Variants in DENND1B observed in about 807,000 individuals in gnomAD.
The protein encoded by DENND1B is DENN domain containing 1B.
In DENND1B, 59 loss-of-function variants were observed where a neutral mutation model predicts 90.1. The ratio of observed to expected loss-of-function variants is 0.65; its 90% CI spans 0.53 to 0.81. DENND1B has a LOEUF of 0.81. Ranked by LOEUF, DENND1B falls within the 40% of genes least tolerant of loss-of-function variation. DENND1B has a pLI of 0.00. For synonymous variants in DENND1B, 337 were observed against 324.6 expected, an observed-to-expected ratio of 1.04 and a Z score of -0.41; for missense variants, 862 against 912.6, an observed-to-expected ratio of 0.94 and a Z score of 0.71.
At chr1:197,541,583 C>T (rs79805667) in intron 18 of DENND1B, among the ~76,000 whole-genome samples, 2,877 of 152,268 alleles carry the variant, frequency 0.019, 90 homozygotes, top group African/African-American at 0.064. Flanking sequence ...ATTTGAGTTT[C>T]TCACATCCTG....
At chr1:197,633,809 T>C (rs1247593927) in intron 10 of DENND1B, among the ~76,000 whole-genome samples, 1 of 152,156 alleles carries the variant, frequency 6.6e-6, no homozygotes, top group African/African-American at 2.4e-5. Flanking sequence ...CAGTACCAAG[T>C]GGCCAGCAGC....
chr1:197,510,365 A>T lies in DENND1B; in HGVS notation c.*95T>A. 2.9e-6 allele frequency: 4 copies of T among 1,377,822 alleles called. No individual in the cohort carries two copies. Among genetic ancestry groups the T allele is most frequent in the Non-Finnish European group, 3.9e-6 (4 of 1,038,668 alleles). 85.3% of individuals were successfully genotyped at this position (1,377,822 alleles called of 1,614,324 possible). On this transcript the variant is annotated 3_prime_UTR_variant, in exon 23 of 23. Coordinates refer to ENST00000620048, the MANE Select transcript of DENND1B (RefSeq NM_001195215.2). Reference sequence around the variant, plus strand: ...ATGTTGCAAATGCAAAAAAAAATTTAAATAGTATGAGTTGCCATTCCTACA... The same window carrying T: ...ATGTTGCAAATGCAAAAAAAAATTTTAATAGTATGAGTTGCCATTCCTACA...
At chr1:197,541,478 G>T (rs1301286856) in intron 18 of DENND1B, among the ~76,000 whole-genome samples, 1 of 152,168 alleles carries the variant, frequency 6.6e-6, no homozygotes, top group African/African-American at 2.4e-5. Context: ...CATCTTAATG[G>T]AATGGTATTT....
At chr1:197,562,071 C>T (rs941307162) in intron 15 of DENND1B, among the ~76,000 whole-genome samples, 5 of 151,900 alleles carry the variant, frequency 3.3e-5, no homozygotes, top group Admixed American at 3.3e-4. Context: ...ATCCTACCCT[C>T]ACCTCTGGTA....
At chr1:197,732,960 G>A (rs1290612339) in intron 2 of DENND1B, among the ~76,000 whole-genome samples, 1 of 152,108 alleles carries the variant, frequency 6.6e-6, no homozygotes, top group African/African-American at 2.4e-5. Context: ...GTATCAAAAT[G>A]CCAAATACCA....
At chr1:197,570,221 C>A in intron 15 of DENND1B, among the ~76,000 whole-genome samples, 2 of 141,872 alleles carry the variant, frequency 1.4e-5, no homozygotes. Flanking sequence ...AGCAAGATCC[C>A]ATATCTCCAA....
intron 2 of DENND1B, among the ~76,000 whole-genome samples, chr1:197,756,144 A>G (rs769099464): frequency 6.6e-6 from 1 of 152,234 alleles, no homozygotes; most frequent in Non-Finnish European, 1.5e-5. Context: ...ATAGTCTAGG[A>G]AGGAAGAATT....
chr1:197,647,096 C>A lies in DENND1B; in HGVS notation c.466G>T (p.Ala156Ser). Residue 156 changes from alanine to serine, a missense_variant, in exon 8 of 23, where the codon GCC (alanine) becomes TCC (serine). Physicochemically the swap from Ala to Ser is moderately conservative, Grantham distance 99. Transcript: ENST00000620048. ...NLSVNQEIFI[A>S]CEQVLKDQPA... ...TGATCTTTCAGAACTTGCTCACAGGCAATAAATATCTCTTGGTTCTTATAA... is the reference window on the plus strand; with the variant it reads ...TGATCTTTCAGAACTTGCTCACAGGAAATAAATATCTCTTGGTTCTTATAA... 4 of 1,461,740 alleles carry A rather than the reference C, an allele frequency of 2.7e-6. No individual in the cohort carries two copies. Among genetic ancestry groups the A allele is most frequent in the Admixed American group, 3.3e-5 (1 of 30,076 alleles). The allele number at this position is 1,461,740 out of a possible 1,614,324, so 90.5% of individuals were successfully genotyped here. A position where few individuals can be genotyped will look rare whatever the true frequency, so the allele number is the denominator to read the frequency against.
At chr1:197,619,485 C>T (rs1345631302) in intron 10 of DENND1B, among the ~76,000 whole-genome samples, 1 of 151,138 alleles carries the variant, frequency 6.6e-6, no homozygotes, top group Admixed American at 6.6e-5. Flanking sequence ...TCAATCTGCA[C>T]ACAGATGACT....
rs1346790438 is a variant in DENND1B at position 197,595,227 on chromosome 1, T to C, written c.1028A>G (p.Asp343Gly). ...GCTTACAGGTTTGTATCTCAGTGCA[T>C]CTCTGTAGGATCCAAACAAAGCAGC... ...AQAALFGSYRDALRYKPGEPI... is the reference protein window; with the variant it reads ...AQAALFGSYRGALRYKPGEPI... The change falls in exon 14 of 23, where the codon GAT becomes GGT. Residue 343 changes from aspartate (D) to glycine (G), a missense_variant. By Grantham distance (94) the Asp-to-Gly change is moderately conservative (BLOSUM62 -1). Transcript: ENST00000620048. 1 of 1,613,026 alleles carries C rather than the reference T, an allele frequency of 6.2e-7. No homozygotes were observed. The highest frequency in any genetic ancestry group is 1.7e-5 in the Admixed American group (1 of 59,964).
intron 14 of DENND1B, among the ~76,000 whole-genome samples, chr1:197,590,673 A>G (rs6666890): frequency 1.3e-5 from 2 of 152,152 alleles, no homozygotes; most frequent in Non-Finnish European, 2.9e-5. Context: ...TCTTTAGCAG[A>G]ATTTAGCTTA....
intron 10 of DENND1B, among the ~76,000 whole-genome samples, chr1:197,641,122 T>C (rs1267655892): frequency 2.6e-5 from 4 of 152,236 alleles, no homozygotes; most frequent in Non-Finnish European, 4.4e-5. Flanking sequence ...CAGTCGAATA[T>C]GGTTAATGTC....
At chr1:197,767,497 A>G (rs1003630712) in intron 2 of DENND1B, among the ~76,000 whole-genome samples, 1 of 152,200 alleles carries the variant, frequency 6.6e-6, no homozygotes, top group Non-Finnish European at 1.5e-5. Context: ...AGAAAAATTG[A>G]TAATTTGAGA....
intron 2 of DENND1B, chr1:197,747,028 CG>C (rs1652779927): frequency 1.2e-6 from 1 of 831,316 alleles, no homozygotes. Flanking sequence ...TTTAACATGG[CG>C]TTCAAATCAA....
At chr1:197,759,159 A>G (rs983645375) in intron 2 of DENND1B, among the ~76,000 whole-genome samples, 1 of 151,298 alleles carries the variant, frequency 6.6e-6, no homozygotes, top group Non-Finnish European at 1.5e-5. Context: ...TTTGGTGGAG[A>G]TGGAGTTTCA....
rs1240084153 is a variant in DENND1B, at chr1:197,647,043, C to A, written c.507+12G>T. 1 of 1,464,224 alleles carries A rather than the reference C, an allele frequency of 6.8e-7. No homozygotes were observed. The highest frequency in any genetic ancestry group is 9.0e-7 in the Non-Finnish European group (1 of 1,115,918). The allele number at this position is 1,464,224 out of a possible 1,614,324, so 90.7% of individuals were successfully genotyped here. On this transcript the variant is annotated intron_variant, in intron 8 of 22. Transcript: ENST00000620048. ...ATAGTGATTTTTAGAAGCCAATGTC[C>A]TTTTAACTCACCGGTACTAGAGCAG...
chr1:197,771,406 A>G (rs148996222), intron 2 of DENND1B, among the ~76,000 whole-genome samples: 1 of 152,322 alleles, frequency 6.6e-6, no homozygotes, highest in East Asian at 1.9e-4. Context: ...GGGGCTCAAA[A>G]TAATGCAAAT....
intron 2 of DENND1B, among the ~76,000 whole-genome samples, chr1:197,766,278 T>C (rs1364981057): frequency 6.6e-6 from 1 of 152,192 alleles, no homozygotes; most frequent in African/African-American, 2.4e-5. Context: ...CAGTTTGCAT[T>C]ACTCTAATTT....
At chr1:197,548,577 T>C (rs1290356140) in intron 16 of DENND1B, among the ~76,000 whole-genome samples, 1 of 152,168 alleles carries the variant, frequency 6.6e-6, no homozygotes, top group Non-Finnish European at 1.5e-5. Context: ...GGTTCTATGA[T>C]GATGTATTAT....
Sources: gnomAD v4.1 joint callset for allele counts (sites outside exome capture counted in the v4.1 genomes callset) on GRCh38, gnomAD v4.1.1 for gene constraint, MANE v1.5 for transcripts, NCBI Gene and HGNC (gene_info 2026-07-23, HGNC 2026-07-21) for gene names.